The following SPNS2 variants were observed in gnomAD, a reference collection of about 807,000 sequenced individuals.
SPNS2 encodes the protein SPNS lysolipid transporter 2, sphingosine-1-phosphate.
Under a neutral mutation model 57.6 loss-of-function variants are expected in SPNS2, and 37 were observed. The observed-to-expected ratio is 0.64, with a 90% confidence interval of 0.49 to 0.85. The LOEUF is 0.85. Ranked by LOEUF, SPNS2 falls within the 40% of genes least tolerant of loss-of-function variation. The pLI is 0.00. For synonymous variants in SPNS2, 440 were observed against 346.9 expected (o/e 1.27, Z -2.98); for missense variants, 831 against 779.1 (o/e 1.07, Z -0.79).
intron 3 of SPNS2, among the ~76,000 whole-genome samples, chr17:4,529,231 G>A (rs1905356942): frequency 6.6e-6 from 1 of 151,982 alleles, no homozygotes; most frequent in Admixed American, 6.5e-5. Flanking sequence ...ACTGCGCCTG[G>A]CCCGATTTTT....
At chr17:4,513,181 T>C (rs529882075) in intron 1 of SPNS2, 66 bp from the exon 2 acceptor site, 113 of 1,552,298 alleles carry the variant, frequency 7.3e-5, no homozygotes, top group Non-Finnish European at 1.8e-6. Context: ...GGAAAGAGGC[T>C]GGGCTGGTCT....
chr17:4,536,437 G>GGC lies in SPNS2; in HGVS notation c.1607+12_1607+13insCG, dbSNP rs750953873. 3 of 1,557,380 alleles carry GGC rather than the reference G, an allele frequency of 1.9e-6. No homozygotes were observed. The highest frequency in any genetic ancestry group is 1.8e-5 in the Admixed American group (1 of 55,804). On this transcript the variant is annotated intron_variant, in intron 11 of 12. Coordinates refer to ENST00000329078, the MANE Select transcript of SPNS2 (RefSeq NM_001124758.3). ...CAGGGCTGAGCAGCAGTGAGTGGGG[G>GGC]GGAGGGGAGGCCCTGCTGCACCGCC...
chr17:4,505,043 C>T (rs774643321), intron 1 of SPNS2, among the ~76,000 whole-genome samples: 12 of 152,218 alleles, frequency 7.9e-5, no homozygotes, highest in Admixed American at 2.6e-4. Context: ...TGGTGGGTCT[C>T]AGCGGTGTCC....
chr17:4,536,718 C>T (rs1326987166), intron 11 of SPNS2, 182 bp from the exon 12 acceptor site: 12 of 643,684 alleles, frequency 1.9e-5, no homozygotes, highest in Admixed American at 1.4e-4. Flanking sequence ...TTTCTCCTTT[C>T]CTCTTTACTC....
intron 1 of SPNS2, among the ~76,000 whole-genome samples, chr17:4,505,385 TCC>T (rs1904645291): frequency 6.6e-6 from 1 of 152,180 alleles, no homozygotes; most frequent in Non-Finnish European, 1.5e-5. Context: ...TCAGGGTTTC[TCC>T]GACAGTGGCT....
At chr17:4,509,563 T>C (rs1904774806) in intron 1 of SPNS2, among the ~76,000 whole-genome samples, 1 of 152,188 alleles carries the variant, frequency 6.6e-6, no homozygotes, top group East Asian at 1.9e-4. Context: ...TGTGGGCTGC[T>C]GTGCAGGAGC....
At position 4,537,658 on chromosome 17, in the gene SPNS2, C is replaced by T. The variant is rs1302146985; in HGVS notation, c.*210C>T. 5 of 456,660 alleles carry T rather than the reference C, an allele frequency of 1.1e-5. No homozygotes were observed. Among genetic ancestry groups the T allele is most frequent in the Non-Finnish European group, 1.8e-5 (4 of 226,982 alleles). The allele number at this position is 456,660 out of a possible 1,614,324, so 28.3% of individuals were successfully genotyped here. ...CCTGGAAGGATGTGTGTGTTGGAGC[C>T]ACACGGTTGGACAGGTTCCCAGCCC... On this transcript the variant is annotated 3_prime_UTR_variant, in exon 13 of 13. Coordinates refer to ENST00000329078, the MANE Select transcript of SPNS2 (RefSeq NM_001124758.3).
chr17:4,514,290 C>T (rs1904930003), intron 2 of SPNS2, among the ~76,000 whole-genome samples: 1 of 152,240 alleles, frequency 6.6e-6, no homozygotes, highest in Non-Finnish European at 1.5e-5. Context: ...GAGCCCCCGT[C>T]AGATGCAGGA....
intron 11 of SPNS2, 76 bp from the exon 12 acceptor site, chr17:4,536,824 C>A: frequency 1.6e-6 from 2 of 1,264,220 alleles, no homozygotes; most frequent in Non-Finnish European, 2.3e-6. Context: ...GCCCCCACGA[C>A]ACGATGTGCC....
chr17:4,524,472 G>A (rs1040492395), intron 2 of SPNS2, among the ~76,000 whole-genome samples: 2 of 152,234 alleles, frequency 1.3e-5, no homozygotes, highest in East Asian at 1.9e-4. Context: ...ATCACTTGAG[G>A]CCAGGAGTTC....
At chr17:4,536,045 C>T (rs1345468353) in intron 9 of SPNS2, 31 bp from the exon 10 acceptor site, 1 of 1,596,810 alleles carries the variant, frequency 6.3e-7, no homozygotes, top group Non-Finnish European at 8.5e-7. Flanking sequence ...CCTTTCTCCT[C>T]TGGCCGCTGA....
rs541410743 is a variant in SPNS2, at chr17:4,531,005, C to T, written c.726-48C>T. On this transcript the variant is annotated intron_variant, in intron 4 of 12. Coordinates refer to ENST00000329078, the MANE Select transcript of SPNS2 (RefSeq NM_001124758.3). ...TTGCAGACCAGCGGGCACTCCCTGT[C>T]CCCAGCCCCTGTCTCTGCTCAGCCT... The T allele has an allele frequency of 1.6e-5, 25 of 1,602,292 alleles. No homozygotes were observed. In the East Asian group the frequency reaches 5.6e-4, roughly 36 times the overall value.
chr17:4,537,082 A>C (rs1299114171), intron 12 of SPNS2, 136 bp downstream of exon 12: 27 of 957,676 alleles, frequency 2.8e-5, no homozygotes, highest in Non-Finnish European at 4.0e-5. Flanking sequence ...TTGTCTCTGA[A>C]GATGTTGCCA....
At chr17:4,535,381 A>G (rs970449793) in intron 9 of SPNS2, among the ~76,000 whole-genome samples, 3 of 152,168 alleles carry the variant, frequency 2.0e-5, no homozygotes, top group Non-Finnish European at 4.4e-5. Context: ...CTTGGTCCTC[A>G]GGGAGGGGAA....
At position 4,530,715 on chromosome 17, in the gene SPNS2, C is replaced by A; in HGVS notation, c.657C>A (p.Gly219=). 1 of 1,614,026 alleles carries A rather than the reference C, an allele frequency of 6.2e-7. No homozygotes were observed. The highest frequency in any genetic ancestry group is 8.5e-7 in the Non-Finnish European group (1 of 1,179,968). Residue 219 remains glycine, a synonymous_variant, in exon 4 of 13, where the codon GGC becomes GGA. Coordinates refer to ENST00000329078, the MANE Select transcript of SPNS2 (RefSeq NM_001124758.3). ...CCACCATCGCCCCCACTATCATTGG[C>A]GACCTCTTCACCAAGAACACGCGTA... ...SYSTIAPTII[G]DLFTKNTRTL... is the part of the protein sequence containing the mutation.
chr17:4,533,944 G>GT, intron 9 of SPNS2, 91 bp downstream of exon 9: 9 of 861,708 alleles, frequency 1.0e-5, no homozygotes, highest in East Asian at 2.9e-5. Flanking sequence ...GAAGGGGCGG[G>GT]AGAGCTGGTA....
At chr17:4,525,311 C>G (rs1301313034) in intron 3 of SPNS2, 118 bp downstream of exon 3, 22 of 1,385,454 alleles carry the variant, frequency 1.6e-5, no homozygotes, top group Middle Eastern at 2.3e-4. Context: ...TGCTTGAACC[C>G]CACTGTCTTC....
Position 4,512,219 on chromosome 17 carries a change from C to G in SPNS2, c.371-1028C>G, listed in dbSNP as rs1904847518. Among the ~76,000 whole-genome samples, 1 of 152,240 alleles carries G rather than the reference C, an allele frequency of 6.6e-6. No individual in the cohort carries two copies. Among genetic ancestry groups the G allele is most frequent in the Admixed American group, 6.5e-5 (1 of 15,292 alleles). ...TTCCTTCTTCCGCTGTCCCTTCTCACTGCAGATGTGCTATGGTCAGCGGGG... is the reference window on the plus strand; with the variant it reads ...TTCCTTCTTCCGCTGTCCCTTCTCAGTGCAGATGTGCTATGGTCAGCGGGG... On this transcript the variant is annotated intron_variant, in intron 1 of 12. Transcript: ENST00000329078. The surrounding 1 kb of genome is among the most constrained non-coding windows in gnomAD (Gnocchi z 5.2).
At chr17:4,537,245 C>G (rs1457257714) in intron 12 of SPNS2, among the ~76,000 whole-genome samples, 1 of 152,242 alleles carries the variant, frequency 6.6e-6, no homozygotes, top group Non-Finnish European at 1.5e-5. Context: ...CTTCTGTTCT[C>G]CCAAATCCTC....
Sources: allele counts gnomAD v4.1 joint callset (sites outside exome capture counted in the v4.1 genomes callset), GRCh38; gene constraint gnomAD v4.1.1; non-coding constraint Gnocchi (gnomAD v3.1); transcripts MANE v1.5; gene names NCBI Gene and HGNC (gene_info 2026-07-23, HGNC 2026-07-21).